Variants in INTS12 observed in about 807,000 individuals in gnomAD.
INTS12 encodes PHD finger protein 22.
INTS12 carries 13 observed loss-of-function variants against 41.6 expected under a neutral mutation model. The ratio of observed to expected loss-of-function variants is 0.31; its 90% CI spans 0.20 to 0.50. The LOEUF is 0.50. Ranked by LOEUF, INTS12 falls within the 20% of genes least tolerant of loss-of-function variation. The pLI is 0.98. For missense variants in INTS12, 432 were observed against 541.6 expected, an observed-to-expected ratio of 0.80 and a Z score of 2.01; for synonymous variants, 199 against 191.4, an observed-to-expected ratio of 1.04 and a Z score of -0.33.
intron 1 of INTS12, chr4:105,706,360 TC>T (rs1263659072): frequency 6.6e-6 from 1 of 150,888 alleles, no homozygotes; most frequent in Non-Finnish European, 1.5e-5. Context: ...GCTCAAGTGA[TC>T]CTCCTGCCTC....
At chr4:105,708,504 C>G (rs2149197893) in intron 1 of INTS12, 134 bp downstream of exon 1, 2 of 985,432 alleles carry the variant, frequency 2.0e-6, no homozygotes, top group South Asian at 9.4e-5. Context: ...GGGCACGCAA[C>G]CGCCCGTAAA....
intron 4 of INTS12, 119 bp downstream of exon 4, chr4:105,695,397 T>C: frequency 3.0e-6 from 2 of 671,512 alleles, no homozygotes; most frequent in Non-Finnish European, 4.7e-6. Context: ...CACTGAGTGT[T>C]GATTATTATA....
At chr4:105,695,398 G>A in intron 4 of INTS12, 118 bp downstream of exon 4, 2 of 676,576 alleles carry the variant, frequency 3.0e-6, no homozygotes, top group Non-Finnish European at 4.6e-6. Context: ...ACTGAGTGTT[G>A]ATTATTATAT....
intron 2 of INTS12, among the ~76,000 whole-genome samples, chr4:105,701,692 T>C (rs1036373898): frequency 1.3e-5 from 2 of 152,256 alleles, no homozygotes; most frequent in Non-Finnish European, 2.9e-5. Flanking sequence ...CTACTGATTT[T>C]ATTTCATATA....
intron 2 of INTS12, among the ~76,000 whole-genome samples, chr4:105,702,431 CA>C (rs1376912710): frequency 6.6e-6 from 1 of 152,098 alleles, no homozygotes; most frequent in Non-Finnish European, 1.5e-5. Flanking sequence ...CCACCGCGCC[CA>C]GCCAATTTAT....
intron 4 of INTS12, 68 bp from the exon 5 acceptor site, chr4:105,693,554 C>T (rs1731761555): frequency 6.7e-6 from 9 of 1,341,154 alleles, no homozygotes; most frequent in Non-Finnish European, 8.4e-6. Context: ...CACTGAAAGA[C>T]GAGTGAGAAG....
rs372111433 is a variant in INTS12 at position 105,686,833 on chromosome 4, T to C, written c.663A>G (p.Gln221=). ...RCTRQMKRMA[Q]KTQKPPQKPA... is the part of the protein sequence containing the mutation. ...GTTTCTGCGGTGGTTTCTGAGTTTT[T>C]TGAGCCTGCAAAAATCAGTGGATTA... The change falls in exon 7 of 8, where the codon CAA becomes CAG. Residue 221 remains glutamine (Q), a synonymous_variant. Transcript: ENST00000340139. The C allele has an allele frequency of 1.3e-5, 21 of 1,613,640 alleles. No individual in the cohort carries two copies. Among genetic ancestry groups the C allele is most frequent in the Non-Finnish European group, 1.7e-5 (20 of 1,179,816 alleles).
At chr4:105,705,559 T>A (rs1732236607) in intron 1 of INTS12, 1 of 152,212 alleles carries the variant, frequency 6.6e-6, no homozygotes, top group Non-Finnish European at 1.5e-5. Context: ...ATAATACATA[T>A]AAAGCAGTTA....
Position 105,693,342 on chromosome 4 carries a change from C to T in INTS12, c.454G>A (p.Asp152Asn), listed in dbSNP as rs753451815. The T allele has an allele frequency of 2.7e-5, 43 of 1,611,944 alleles. No homozygotes were observed. The highest frequency in any genetic ancestry group is 3.6e-5 in the Non-Finnish European group (43 of 1,178,646). The change falls in exon 5 of 8, where the codon GAT becomes AAT. Residue 152 changes from aspartate (D) to asparagine (N), a missense_variant. Coordinates refer to ENST00000340139, the MANE Select transcript of INTS12 (RefSeq NM_020395.4). Reference sequence around the variant, plus strand: ...AATCCCATCTCCATGGCAAAATCATCAGCACTGGTCTCCTCAAAACTGGAA... The same window carrying T: ...AATCCCATCTCCATGGCAAAATCATTAGCACTGGTCTCCTCAAAACTGGAA... The part of the protein sequence containing the change: ...DLSSFEETSA[D>N]DFAMEMGLAC...
chr4:105,687,437 T>A (rs1485817998), intron 6 of INTS12, among the ~76,000 whole-genome samples: 1 of 152,238 alleles, frequency 6.6e-6, no homozygotes, highest in Non-Finnish European at 1.5e-5. Context: ...TTTCACCCAC[T>A]ATTATTTTAT....
In INTS12 at chr4:105,686,947, TA is replaced by T. The variant is rs1017866063; in HGVS notation, c.658-110del. 1.0e-5 allele frequency: 9 copies of T among 899,212 alleles called. No individual in the cohort carries two copies. In the East Asian group the frequency reaches 2.0e-4, roughly 20 times the overall value. The allele number at this position is 899,212 out of a possible 1,614,324, so 55.7% of individuals were successfully genotyped here. A position where few individuals can be genotyped will look rare whatever the true frequency, so the allele number is the denominator to read the frequency against. On this transcript the variant is annotated intron_variant, in intron 6 of 7. Transcript: ENST00000340139. Reference sequence around the variant, plus strand: ...TGAAATGAAATACAGTTGAACATTTTAAAAAATAGTGTGATGATAATGAATA... The same window carrying T: ...TGAAATGAAATACAGTTGAACATTTTAAAAATAGTGTGATGATAATGAATA...
intron 4 of INTS12, 36 bp from the exon 5 acceptor site, chr4:105,693,522 T>C: frequency 1.3e-6 from 2 of 1,556,104 alleles, no homozygotes; most frequent in East Asian, 2.3e-5. Context: ...GATAAAGTAA[T>C]GTGGTAGAAT....
At position 105,686,807 on chromosome 4, in the gene INTS12, G is replaced by C; in HGVS notation, c.689C>G (p.Pro230Arg). 2.5e-6 allele frequency: 4 copies of C among 1,613,780 alleles called. No homozygotes were observed. Among genetic ancestry groups the C allele is most frequent in the Non-Finnish European group, 3.4e-6 (4 of 1,179,870 alleles). Residue 230 changes from proline (P) to arginine (R), a missense_variant, in exon 7 of 8, where the codon CCA becomes CGA. This residue lies in a region of INTS12 where 258 missense variants were observed against 309.9 expected (regional missense o/e 0.83). Transcript: ENST00000340139. The stretch of plus-strand genomic sequence containing the variant: ...AGTTACAGAAACAACTGCAGGGGCT[G>C]GTTTCTGCGGTGGTTTCTGAGTTTT... ...AQKTQKPPQK[P>R]APAVVSVTPA... is the part of the protein sequence containing the mutation.
chr4:105,699,140 G>T (rs1340417187), intron 3 of INTS12, among the ~76,000 whole-genome samples: 2 of 152,090 alleles, frequency 1.3e-5, no homozygotes, highest in Non-Finnish European at 2.9e-5. Flanking sequence ...GTGAAATGAA[G>T]TTTCTATGTA....
chr4:105,699,966 A>G lies in INTS12; in HGVS notation c.40T>C (p.Leu14=). The G allele has an allele frequency of 2.0e-6, 3 of 1,533,164 alleles. No individual in the cohort carries two copies. The highest frequency in any genetic ancestry group is 1.3e-5 in the South Asian group (1 of 79,414). The allele number at this position is 1,533,164 out of a possible 1,614,324, so 95.0% of individuals were successfully genotyped here. The change falls in exon 3 of 8, where the codon TTG becomes CTG. Residue 14 remains leucine (L), a synonymous_variant. Coordinates refer to ENST00000340139, the MANE Select transcript of INTS12 (RefSeq NM_020395.4). ...TVNLELDPIF[L]KALGFLHSKS... ...GAATGCAAGAAACCTAGTGCTTTCAAAAAAATGGGATCAAGTTCCAAGTTC... is the reference window on the plus strand; with the variant it reads ...GAATGCAAGAAACCTAGTGCTTTCAGAAAAATGGGATCAAGTTCCAAGTTC...
At chr4:105,688,574 A>C (rs936977594) in intron 6 of INTS12, among the ~76,000 whole-genome samples, 1 of 152,226 alleles carries the variant, frequency 6.6e-6, no homozygotes, top group East Asian at 1.9e-4. Flanking sequence ...TGGTACTAGC[A>C]GGAAAGCAGA....
chr4:105,705,924 G>A (rs1273920561), intron 1 of INTS12: 1 of 152,192 alleles, frequency 6.6e-6, no homozygotes, highest in Non-Finnish European at 1.5e-5. Context: ...CTTGCCTACT[G>A]TTGTAACCCC....
chr4:105,695,854 AT>A (rs1731844836), intron 3 of INTS12, among the ~76,000 whole-genome samples, 186 bp from the exon 4 acceptor site: 1 of 152,050 alleles, frequency 6.6e-6, no homozygotes, highest in Non-Finnish European at 1.5e-5. Context: ...TACCTTTTTT[AT>A]TTTTATTTTT....
rs1320228464 is a variant in INTS12 at position 105,686,761 on chromosome 4, C to A, written c.735G>T (p.Leu245Phe). ...TCAGTTTAGTTTCTGGTTTCTTAAC[C>A]AATGGATCTTTGACAGCTGGAGTTA... is the stretch of plus-strand genomic sequence containing the variant. ...VSVTPAVKDP[L>F]VKKPETKLKQ... The change falls in exon 7 of 8, where the codon TTG (leucine) becomes TTT (phenylalanine). Residue 245 changes from leucine to phenylalanine, a missense_variant. Around this residue, in one of 3 missense-constraint regions of INTS12, gnomAD observed 258 missense variants for 309.9 expected, o/e 0.83. Transcript: ENST00000340139. 1 of 1,613,472 alleles carries A rather than the reference C, an allele frequency of 6.2e-7. No individual in the cohort carries two copies. The highest frequency in any genetic ancestry group is 8.5e-7 in the Non-Finnish European group (1 of 1,179,760).
Sources: allele counts gnomAD v4.1 joint callset (sites outside exome capture counted in the v4.1 genomes callset), GRCh38; gene constraint gnomAD v4.1.1; regional missense constraint gnomAD v4.1.1; transcripts MANE v1.5; gene names NCBI Gene and HGNC (gene_info 2026-07-23, HGNC 2026-07-21).